Variants in CDH23 observed in about 807,000 individuals in gnomAD.
CDH23 encodes cadherin related 23.
CDH23 carries 189 observed loss-of-function variants against 317.1 expected under a neutral mutation model. The observed-to-expected ratio is 0.60, with a 90% CI of 0.53 to 0.67. The LOEUF is 0.67. CDH23 is among the 30% of genes least tolerant of loss of function. The pLI is 0.00. For missense variants in CDH23, 4,401 were observed against 4,592.4 expected (o/e 0.96, Z 1.20); for synonymous variants, 1,839 against 1,876.8 (o/e 0.98, Z 0.52).
chr10:71,724,697 C>A (rs1427604122), intron 29 of CDH23, among the ~76,000 whole-genome samples: 3 of 152,184 alleles, frequency 2.0e-5, no homozygotes, highest in African/African-American at 7.2e-5. Context: ...CCCAGGGCAG[C>A]CCCCAGCAGC....
At chr10:71,634,930 G>T (rs1343827946) in intron 11 of CDH23, among the ~76,000 whole-genome samples, 1 of 152,230 alleles carries the variant, frequency 6.6e-6, no homozygotes, top group Non-Finnish European at 1.5e-5. Flanking sequence ...GTTTCAGGAA[G>T]TACCCTCTGG....
intron 6 of CDH23, among the ~76,000 whole-genome samples, chr10:71,535,762 G>A (rs1414521433): frequency 1.3e-5 from 2 of 152,226 alleles, no homozygotes; most frequent in Admixed American, 6.5e-5. Flanking sequence ...CACAGCTGGA[G>A]CCCACCCTGT....
chr10:71,428,527 G>C (rs925032313), intron 1 of CDH23, among the ~76,000 whole-genome samples: 3 of 151,776 alleles, frequency 2.0e-5, no homozygotes, highest in African/African-American at 7.3e-5. Flanking sequence ...TTGATTTATA[G>C]CTCCCTAATG....
intron 13 of CDH23, among the ~76,000 whole-genome samples, chr10:71,646,245 C>G (rs1054780332): frequency 4.5e-4 from 68 of 152,334 alleles, no homozygotes; most frequent in African/African-American, 1.6e-3. Context: ...CCTGCCAGAT[C>G]AGCCCCTGCT....
At chr10:71,559,485 G>C (rs894731766) in intron 6 of CDH23, among the ~76,000 whole-genome samples, 1 of 152,216 alleles carries the variant, frequency 6.6e-6, no homozygotes, top group African/African-American at 2.4e-5. Flanking sequence ...CTGGGAAAGA[G>C]GGGGAGGTCT....
At chr10:71,641,611 C>T (rs1228852054) in intron 11 of CDH23, among the ~76,000 whole-genome samples, 1 of 152,208 alleles carries the variant, frequency 6.6e-6, no homozygotes, top group Non-Finnish European at 1.5e-5. Context: ...TGCAAAGTTA[C>T]AGGCCTCAAC....
chr10:71,710,027 T>C (rs1865917690), intron 27 of CDH23, among the ~76,000 whole-genome samples: 2 of 151,952 alleles, frequency 1.3e-5, no homozygotes, highest in Admixed American at 6.6e-5. Flanking sequence ...ACGAGAACAG[T>C]GTAGGAGAAA....
chr10:71,489,337 T>C (rs1215640044), intron 3 of CDH23, among the ~76,000 whole-genome samples: 2 of 152,228 alleles, frequency 1.3e-5, no homozygotes, highest in East Asian at 3.8e-4. Flanking sequence ...CTAATTCTCT[T>C]TCCAGCTATG....
In CDH23 at chr10:71,794,295, C is replaced by T. The variant is rs1841346188; in HGVS notation, c.6712+655C>T. Reference sequence around the variant, plus strand: ...GGGATTACAGGCGTGAGTCACTGCACCCAGCCGTGATACCTTGTTTAATAT... The same window carrying T: ...GGGATTACAGGCGTGAGTCACTGCATCCAGCCGTGATACCTTGTTTAATAT... On this transcript the variant is annotated intron_variant, in intron 48 of 69. Coordinates refer to ENST00000224721, the MANE Select transcript of CDH23 (RefSeq NM_022124.6). 3.3e-5 allele frequency among the ~76,000 whole-genome samples: 5 copies of T among 152,248 alleles called. No homozygotes were observed. In the South Asian group the frequency reaches 1.0e-3, roughly 31 times the overall value.
intron 38 of CDH23, among the ~76,000 whole-genome samples, chr10:71,769,583 A>C (rs1421972122): frequency 6.6e-6 from 1 of 152,250 alleles, no homozygotes; most frequent in Non-Finnish European, 1.5e-5. Flanking sequence ...TCATGGAATT[A>C]ACCTTCAGAG....
intron 3 of CDH23, among the ~76,000 whole-genome samples, chr10:71,494,775 C>T (rs887139128): frequency 6.6e-6 from 1 of 152,194 alleles, no homozygotes; most frequent in Admixed American, 6.5e-5. Context: ...CTAGTTTCCA[C>T]CCTGTCTAGC....
chr10:71,673,421 A>T (rs1040385332), intron 14 of CDH23, among the ~76,000 whole-genome samples: 5 of 152,236 alleles, frequency 3.3e-5, no homozygotes, highest in Non-Finnish European at 7.3e-5. Flanking sequence ...TGCATTGATG[A>T]CCATGATTGT....
chr10:71,417,366 C>T lies in CDH23; in HGVS notation c.-6+20048C>T, dbSNP rs562800268. Among the ~76,000 whole-genome samples the T allele has an allele frequency of 3.1e-4, 47 of 152,262 alleles. 2 individuals are homozygous for T. The highest frequency in any genetic ancestry group is 5.4e-4 in the Non-Finnish European group (37 of 68,014). ...TGCTGGGATTACAGATCTGAGCCAC[C>T]GTGCCCGACCTTGCCTTTGGTTTTC... On this transcript the variant is annotated intron_variant, in intron 1 of 69. Transcript: ENST00000224721.
intron 55 of CDH23, 146 bp downstream of exon 55, chr10:71,803,566 T>A: frequency 1.4e-6 from 1 of 708,878 alleles, no homozygotes; most frequent in Non-Finnish European, 2.3e-6. Flanking sequence ...TTTAATTAAA[T>A]AAAAGTTTGT....
intron 1 of CDH23, among the ~76,000 whole-genome samples, chr10:71,426,191 T>G (rs561362491): frequency 6.6e-6 from 1 of 152,178 alleles, no homozygotes. Context: ...GCATGGCCCC[T>G]GAGCAAATGG....
chr10:71,664,066 A>G (rs1411334909), intron 14 of CDH23, among the ~76,000 whole-genome samples: 1 of 151,440 alleles, frequency 6.6e-6, no homozygotes, highest in Non-Finnish European at 1.5e-5. Context: ...AGGTCCACAG[A>G]TGGCACTCAG....
chr10:71,675,483 C>T lies in CDH23; in HGVS notation c.1514+307C>T, dbSNP rs922568630. On this transcript the variant is annotated intron_variant, in intron 15 of 69. Coordinates refer to ENST00000224721, the MANE Select transcript of CDH23 (RefSeq NM_022124.6). ...CTTTGAAGTACTAGCGACAGCACACCGCCACCACCGCCAGCCGCAGTTACT... is the reference window on the plus strand; with the variant it reads ...CTTTGAAGTACTAGCGACAGCACACTGCCACCACCGCCAGCCGCAGTTACT... Among the ~76,000 whole-genome samples, 27 of 152,238 alleles carry T rather than the reference C, an allele frequency of 1.8e-4. 1 individual carries two copies. The South Asian group carries it at 5.0e-3, about 28-fold the overall frequency.
At chr10:71,791,826 T>C (rs1031853395) in intron 47 of CDH23, among the ~76,000 whole-genome samples, 2 of 152,160 alleles carry the variant, frequency 1.3e-5, no homozygotes, top group African/African-American at 4.8e-5. Context: ...TCCACTCGCC[T>C]CAGCCTCCCA....
At chr10:71,538,562 G>A (rs1011209166) in intron 6 of CDH23, among the ~76,000 whole-genome samples, 8 of 151,678 alleles carry the variant, frequency 5.3e-5, no homozygotes, top group African/African-American at 1.9e-4. Flanking sequence ...TTTTTTTTCT[G>A]TTTCTCCGAT....
Sources: allele counts gnomAD v4.1 joint callset (sites outside exome capture counted in the v4.1 genomes callset), GRCh38; gene constraint gnomAD v4.1.1; transcripts MANE v1.5; gene names NCBI Gene and HGNC (gene_info 2026-07-23, HGNC 2026-07-21).